Variants in LRBA observed in about 807,000 individuals in gnomAD.
LRBA encodes the protein LPS responsive beige-like anchor protein.
A neutral mutation model predicts 330.0 loss-of-function variants in LRBA; 176 were observed. The ratio of observed to expected loss-of-function variants is 0.53; its 90% confidence interval spans 0.47 to 0.60. LRBA has a LOEUF of 0.60. Ranked by LOEUF, LRBA falls within the 20% of genes least tolerant of loss-of-function variation. The pLI, the probability that LRBA is intolerant of heterozygous loss-of-function variation, is 0.00. For synonymous variants in LRBA, 1,230 were observed against 1,193.0 expected (o/e 1.03, Z -0.64); for missense variants, 3,259 against 3,444.8 (o/e 0.95, Z 1.35).
chr4:150,641,593 T>G (rs1778684690), intron 37 of LRBA, among the ~76,000 whole-genome samples: 1 of 152,180 alleles, frequency 6.6e-6, no homozygotes, highest in South Asian at 2.1e-4. Context: ...TTTCTTTTTT[T>G]TCTTTGCAGC....
At chr4:150,847,830 G>C (rs1401313235) in intron 26 of LRBA, among the ~76,000 whole-genome samples, 1 of 152,150 alleles carries the variant, frequency 6.6e-6, no homozygotes, top group East Asian at 1.9e-4. Context: ...AGTGTTTCCA[G>C]GAGAAGAACA....
At chr4:150,601,604 G>C (rs1484107500) in intron 37 of LRBA, among the ~76,000 whole-genome samples, 1 of 152,102 alleles carries the variant, frequency 6.6e-6, no homozygotes. Context: ...CTGAGAATTT[G>C]TTCACATAAT....
chr4:151,008,454 C>G (rs967309033), intron 2 of LRBA, among the ~76,000 whole-genome samples: 3 of 152,078 alleles, frequency 2.0e-5, no homozygotes, highest in Non-Finnish European at 2.9e-5. Context: ...TTCCAGGACT[C>G]CTGCATAGAC....
intron 40 of LRBA, among the ~76,000 whole-genome samples, chr4:150,535,795 C>T (rs1764597709): frequency 6.6e-6 from 1 of 152,096 alleles, no homozygotes. Flanking sequence ...TACTTTCGTT[C>T]TTAAGACAAG....
At chr4:151,011,675 G>A (rs982053663) in intron 2 of LRBA, among the ~76,000 whole-genome samples, 9 of 151,328 alleles carry the variant, frequency 5.9e-5, no homozygotes, top group African/African-American at 2.2e-4. Context: ...CATTGAGATG[G>A]ACTAATTTAC....
rs1190096158 is a variant in LRBA, at chr4:150,981,430, A to T, written c.216+32997T>A. On this transcript the variant is annotated intron_variant, in intron 2 of 56. Coordinates refer to ENST00000651943, the MANE Select transcript of LRBA (RefSeq NM_001364905.1). The stretch of plus-strand genomic sequence containing the variant: ...TGTCTCAAAAAAAAAAAAAAAAAAA[A>T]TTATAAAATTTATATGGAACCACAA... Among the ~76,000 whole-genome samples the T allele has an allele frequency of 1.5e-4, 15 of 101,080 alleles. No individual in the cohort carries two copies. In the East Asian group the frequency reaches 5.1e-3, roughly 34 times the overall value. 66.3% of individuals were successfully genotyped at this position (101,080 alleles called of 152,430 possible).
intron 42 of LRBA, among the ~76,000 whole-genome samples, chr4:150,482,023 T>G (rs1757358451): frequency 6.6e-6 from 1 of 152,150 alleles, no homozygotes; most frequent in Non-Finnish European, 1.5e-5. Flanking sequence ...TGTTGTTGTT[T>G]TTGAAAATCA....
At chr4:150,922,024 A>G (rs749540818) in intron 4 of LRBA, among the ~76,000 whole-genome samples, 17 of 151,778 alleles carry the variant, frequency 1.1e-4, no homozygotes, top group Non-Finnish European at 4.4e-5. Context: ...TGCCCGGCCT[A>G]TATTTTTTGT....
At chr4:150,339,356 T>G (rs1294869232) in intron 48 of LRBA, among the ~76,000 whole-genome samples, 2 of 152,164 alleles carry the variant, frequency 1.3e-5, no homozygotes, top group African/African-American at 2.4e-5. Flanking sequence ...CATTGAATGT[T>G]GAGAAAGAAC....
chr4:150,517,504 G>A (rs1442238229), intron 40 of LRBA, among the ~76,000 whole-genome samples: 1 of 152,006 alleles, frequency 6.6e-6, no homozygotes, highest in Non-Finnish European at 1.5e-5. Context: ...CTGGGCAACA[G>A]AACAAAACCC....
chr4:150,963,758 G>A (rs993377345), intron 2 of LRBA, among the ~76,000 whole-genome samples: 7 of 148,282 alleles, frequency 4.7e-5, no homozygotes, highest in Admixed American at 1.3e-4. Context: ...CTGCCTGGCC[G>A]CCCATCGTCT....
intron 34 of LRBA, among the ~76,000 whole-genome samples, chr4:150,786,122 T>C (rs923149385): frequency 2.6e-5 from 4 of 152,182 alleles, no homozygotes; most frequent in Admixed American, 6.5e-5. Context: ...GTAGGCATAG[T>C]TATCAGCCAT....
chr4:150,589,673 C>T (rs1225797461), intron 39 of LRBA, among the ~76,000 whole-genome samples: 2 of 152,172 alleles, frequency 1.3e-5, no homozygotes, highest in Admixed American at 1.3e-4. Flanking sequence ...CTAACCCACA[C>T]CACTTTATTA....
At chr4:150,895,737 T>C (rs1730002726) in intron 16 of LRBA, among the ~76,000 whole-genome samples, 1 of 152,238 alleles carries the variant, frequency 6.6e-6, no homozygotes, top group Non-Finnish European at 1.5e-5. Context: ...AGTGCCGCAA[T>C]AAACATACGT....
At chr4:150,858,383 CT>C (rs111957809) in intron 22 of LRBA, among the ~76,000 whole-genome samples, 366 of 142,218 alleles carry the variant, frequency 2.6e-3, no homozygotes, top group Admixed American at 2.1e-3. Context: ...CTCTCTTTTT[CT>C]TTTTTTTTTT....
chr4:150,623,804 A>C (rs1776554527), intron 37 of LRBA, among the ~76,000 whole-genome samples: 1 of 152,114 alleles, frequency 6.6e-6, no homozygotes, highest in Non-Finnish European at 1.5e-5. Flanking sequence ...ATTTTATACA[A>C]TTTATCTAAC....
intron 2 of LRBA, among the ~76,000 whole-genome samples, chr4:150,964,798 G>A (rs1014399830): frequency 3.3e-5 from 5 of 151,782 alleles, no homozygotes; most frequent in Non-Finnish European, 5.9e-5. Context: ...CCCTCTCTGA[G>A]AAACACCCAA....
intron 40 of LRBA, chr4:150,581,291 A>G: frequency 2.3e-6 from 1 of 438,488 alleles, no homozygotes; most frequent in Non-Finnish European, 4.6e-6. Context: ...TATCGAAATT[A>G]CTAAAAAGAG....
At chr4:150,369,154 G>A (rs952211452) in intron 47 of LRBA, among the ~76,000 whole-genome samples, 1 of 152,162 alleles carries the variant, frequency 6.6e-6, no homozygotes, top group Non-Finnish European at 1.5e-5. Flanking sequence ...ATTACTAGGT[G>A]TAAAATTTGT....
Sources: allele counts gnomAD v4.1 joint callset (sites outside exome capture counted in the v4.1 genomes callset), GRCh38; gene constraint gnomAD v4.1.1; transcripts MANE v1.5; gene names NCBI Gene and HGNC (gene_info 2026-07-23, HGNC 2026-07-21).